RANBP2: variants seen among roughly 807,000 people sequenced by gnomAD.
RANBP2 encodes RAN binding protein 2.
RANBP2 carries 57 observed loss-of-function variants against 303.6 expected under a neutral mutation model. That is an observed-to-expected ratio of 0.19 (90% CI 0.15 to 0.23). The LOEUF is 0.23. Among genes scored for constraint, RANBP2 ranks in the 10% least tolerant of loss-of-function variants. The pLI is 1.00. For synonymous variants in RANBP2, 1,167 were observed against 1,301.5 expected (o/e 0.90, Z 2.23); for missense variants, 3,138 against 3,780.8 (o/e 0.83, Z 4.46).
the RANBP2 span, among the ~76,000 whole-genome samples, chr2:108,994,381 A>G: frequency 1.3e-5 from 2 of 152,218 alleles, no homozygotes; most frequent in African/African-American, 4.8e-5. Context: ...CAGTGAAAAC[A>G]TAATTGAAAT....
chr2:108,910,983 T>C, the RANBP2 span: 3 of 1,614,034 alleles, frequency 1.9e-6, no homozygotes, highest in South Asian at 2.2e-5. Flanking sequence ...ATGTAGAACA[T>C]GATGATGAGG....
chr2:108,777,703 A>G (rs1026380908), intron 25 of RANBP2, among the ~76,000 whole-genome samples: 2 of 152,026 alleles, frequency 1.3e-5, no homozygotes, highest in African/African-American at 2.4e-5. Flanking sequence ...TGGAGTTTCT[A>G]TTTTTAATCC....
intron 4 of RANBP2, 33 bp downstream of exon 4, chr2:108,731,507 A>G (rs1324731416): frequency 3.1e-6 from 5 of 1,610,658 alleles, no homozygotes; most frequent in Non-Finnish European, 3.4e-6. Context: ...GAGAAAACTT[A>G]AGACATAACC....
the RANBP2 span, among the ~76,000 whole-genome samples, chr2:108,999,438 C>G: frequency 6.6e-6 from 1 of 152,178 alleles, no homozygotes; most frequent in Non-Finnish European, 1.5e-5. Flanking sequence ...ATGATCTGCC[C>G]CATTTTCGGT....
At chr2:108,963,835 A>G in the RANBP2 span, among the ~76,000 whole-genome samples, 3 of 152,228 alleles carry the variant, frequency 2.0e-5, no homozygotes, top group African/African-American at 7.2e-5. Context: ...TAAGGCAGAA[A>G]GAGGAAAGTG....
At chr2:108,839,446 A>G in the RANBP2 span, 6 of 638,158 alleles carry the variant, frequency 9.4e-6, no homozygotes, top group Non-Finnish European at 1.0e-5. Context: ...TTTTGATAGG[A>G]ATTGTGTTAA....
rs775268689 is a variant in RANBP2 at position 108,772,503 on chromosome 2, A to G, written c.8035A>G (p.Thr2679Ala). Residue 2679 changes from threonine to alanine, a missense_variant, in exon 22 of 29, where the codon ACA becomes GCA. By Grantham distance (58) the Thr-to-Ala change is moderately conservative (BLOSUM62 0). Transcript: ENST00000283195. ...TGTATTTTAAGATGAAGATTTCGAAACAGCTGTCAAGAAACTTAATGGAAA... is the reference window on the plus strand; with the variant it reads ...TGTATTTTAAGATGAAGATTTCGAAGCAGCTGTCAAGAAACTTAATGGAAA... ...EEEEDDEDFETAVKKLNGKLY... is the reference protein window; with the variant it reads ...EEEEDDEDFEAAVKKLNGKLY... 11 of 1,613,398 alleles carry G rather than the reference A, an allele frequency of 6.8e-6. No homozygotes were observed. Among genetic ancestry groups the G allele is most frequent in the Non-Finnish European group, 9.3e-6 (11 of 1,179,584 alleles).
chr2:108,868,073 C>T, the RANBP2 span, among the ~76,000 whole-genome samples: 4 of 152,172 alleles, frequency 2.6e-5, no homozygotes, highest in African/African-American at 9.7e-5. Flanking sequence ...TGGACATAAT[C>T]ATTACCAAAG....
the RANBP2 span, among the ~76,000 whole-genome samples, chr2:109,316,060 A>T: frequency 1.1e-4 from 16 of 152,154 alleles, no homozygotes; most frequent in Non-Finnish European, 2.2e-4. Flanking sequence ...TAGAGATTAG[A>T]TGTGGTTAGA....
At position 108,766,469 on chromosome 2, in the gene RANBP2, A is replaced by G. The variant is rs1677128597; in HGVS notation, c.5930A>G (p.Lys1977Arg). 6.2e-7 allele frequency: 1 copy of G among 1,611,782 alleles called. No individual in the cohort carries two copies. The highest frequency in any genetic ancestry group is 1.1e-5 in the South Asian group (1 of 90,978). The change falls in exon 20 of 29, where the codon AAA becomes AGA. Residue 1977 changes from lysine (K) to arginine (R), a missense_variant. By Grantham distance (26) the Lys-to-Arg change is conservative. Coordinates refer to ENST00000283195, the MANE Select transcript of RANBP2 (RefSeq NM_006267.5). ...AAGGGATTTTCAGGTGCTGGAGAAAAATTATTCTCATCACAATACGGTAAA... is the reference window on the plus strand; with the variant it reads ...AAGGGATTTTCAGGTGCTGGAGAAAGATTATTCTCATCACAATACGGTAAA... ...NFKGFSGAGE[K>R]LFSSQYGKMA...
At chr2:108,987,113 G>A in the RANBP2 span, among the ~76,000 whole-genome samples, 12 of 152,364 alleles carry the variant, frequency 7.9e-5, no homozygotes, top group African/African-American at 2.9e-4. Context: ...AAGGCTGTCT[G>A]CCAAACACCA....
At chr2:109,361,811 T>A in the RANBP2 span, among the ~76,000 whole-genome samples, 1 of 152,206 alleles carries the variant, frequency 6.6e-6, no homozygotes, top group East Asian at 1.9e-4. Context: ...TTTTAGCAGA[T>A]TGTCTTTTAA....
At chr2:109,392,246 G>A in the RANBP2 span, among the ~76,000 whole-genome samples, 2 of 152,188 alleles carry the variant, frequency 1.3e-5, no homozygotes, top group East Asian at 1.9e-4. Flanking sequence ...AGCAAGAGGG[G>A]AAGGGCCTCC....
the RANBP2 span, among the ~76,000 whole-genome samples, chr2:109,535,236 C>G: frequency 1.3e-5 from 2 of 152,198 alleles, no homozygotes; most frequent in South Asian, 4.1e-4. Context: ...CCCTTTATCC[C>G]TCCTTTATTT....
chr2:109,568,658 G>A, the RANBP2 span, among the ~76,000 whole-genome samples: 1 of 71,098 alleles, frequency 1.4e-5, no homozygotes, highest in South Asian at 8.0e-4. Flanking sequence ...GTGATAAAAG[G>A]TAAACTGAAT....
At chr2:109,219,287 T>C in the RANBP2 span, among the ~76,000 whole-genome samples, 177 of 137,714 alleles carry the variant, frequency 1.3e-3, no homozygotes, top group African/African-American at 4.7e-3. Context: ...TCAGTATTAT[T>C]TCCAAAACAT....
chr2:109,636,799 G>A, the RANBP2 span, among the ~76,000 whole-genome samples: 1 of 152,204 alleles, frequency 6.6e-6, no homozygotes, highest in Non-Finnish European at 1.5e-5. Flanking sequence ...TTAGCCAGGC[G>A]TGTTGGTGGG....
the RANBP2 span, among the ~76,000 whole-genome samples, chr2:108,956,784 CT>C: frequency 5.4e-4 from 67 of 123,468 alleles, no homozygotes; most frequent in Middle Eastern, 0.011. Context: ...CGAAAGCTCT[CT>C]TTTTTTTTTT....
chr2:109,653,511 C>T, the RANBP2 span, among the ~76,000 whole-genome samples: 1 of 152,044 alleles, frequency 6.6e-6, no homozygotes, highest in South Asian at 2.1e-4. Context: ...TGTAGCTTTT[C>T]ATCCTTCCCA....
Sources: gnomAD v4.1 joint callset for allele counts (sites outside exome capture counted in the v4.1 genomes callset) on GRCh38, gnomAD v4.1.1 for gene constraint, MANE v1.5 for transcripts, NCBI Gene and HGNC (gene_info 2026-07-23, HGNC 2026-07-21) for gene names.